Variants in HDAC9 observed in about 807,000 individuals in gnomAD.
HDAC9 encodes the protein MEF-2 interacting transcription repressor (MITR) protein.
HDAC9 carries 41 observed loss-of-function variants against 139.4 expected under a neutral mutation model. The ratio of observed to expected loss-of-function variants is 0.29; its 90% CI spans 0.23 to 0.38. The LOEUF is 0.38. Ranked by LOEUF, HDAC9 falls within the 10% of genes least tolerant of loss-of-function variation. HDAC9 has a pLI of 1.00. For synonymous variants in HDAC9, 517 were observed against 476.2 expected (o/e 1.09, Z -1.12); for missense variants, 1,147 against 1,297.0 (o/e 0.88, Z 1.78).
At chr7:18,320,767 C>T (rs1036702737) in intron 1 of HDAC9, among the ~76,000 whole-genome samples, 1 of 152,136 alleles carries the variant, frequency 6.6e-6, no homozygotes, top group Non-Finnish European at 1.5e-5. Flanking sequence ...ACACCCCCCA[C>T]CCCAGTTGTC....
intron 21 of HDAC9, among the ~76,000 whole-genome samples, chr7:18,872,747 T>C (rs931165138): frequency 3.3e-5 from 5 of 152,066 alleles, no homozygotes; most frequent in Non-Finnish European, 7.4e-5. Context: ...TTAATATCCA[T>C]GGGTAGAGAG....
chr7:18,685,714 G>A (rs1224137231), intron 12 of HDAC9, among the ~76,000 whole-genome samples: 2 of 151,874 alleles, frequency 1.3e-5, no homozygotes, highest in Non-Finnish European at 2.9e-5. Flanking sequence ...TTCCTCCTAA[G>A]GGGGGTGGGG....
At position 18,882,689 on chromosome 7, in the gene HDAC9, C is replaced by T. The variant is rs111679228; in HGVS notation, c.2803+8093C>T. Among the ~76,000 whole-genome samples, 1,127 of 150,876 alleles carry T rather than the reference C, an allele frequency of 7.5e-3. 18 individuals are homozygous for T. Among genetic ancestry groups the T allele is most frequent in the African/African-American group, 0.026 (1,054 of 41,214 alleles). Reference sequence around the variant, plus strand: ...TGGGGAAGGGAGATAATAATTTTACCTACAACCTATGTAATAAATGATTAG... The same window carrying T: ...TGGGGAAGGGAGATAATAATTTTACTTACAACCTATGTAATAAATGATTAG... On this transcript the variant is annotated intron_variant, in intron 22 of 25. Coordinates refer to ENST00000686413, the MANE Select transcript of HDAC9 (RefSeq NM_178425.4).
At chr7:18,183,119 C>T (rs994810699) in intron 2 of HDAC9, among the ~76,000 whole-genome samples, 1 of 151,954 alleles carries the variant, frequency 6.6e-6, no homozygotes, top group African/African-American at 2.4e-5. Context: ...ACGCCATTCT[C>T]CTGCCTCAGC....
chr7:18,453,330 G>A (rs1301650215), intron 1 of HDAC9, among the ~76,000 whole-genome samples: 1 of 152,018 alleles, frequency 6.6e-6, no homozygotes, highest in Non-Finnish European at 1.5e-5. Flanking sequence ...AAAAAGTGGG[G>A]GGAAGGAATT....
intron 12 of HDAC9, chr7:18,666,722 T>C: frequency 4.7e-6 from 6 of 1,288,192 alleles, no homozygotes; most frequent in Non-Finnish European, 5.9e-6. Flanking sequence ...AGGAAATACC[T>C]GTTATACTAA....
intron 12 of HDAC9, among the ~76,000 whole-genome samples, chr7:18,681,849 C>T (rs1781912974): frequency 6.6e-6 from 1 of 151,930 alleles, no homozygotes; most frequent in African/African-American, 2.4e-5. Context: ...TTTGGAGTAA[C>T]CCATAGGACC....
intron 25 of HDAC9, among the ~76,000 whole-genome samples, chr7:18,991,959 A>G (rs1273415698): frequency 6.6e-6 from 1 of 152,248 alleles, no homozygotes; most frequent in Non-Finnish European, 1.5e-5. Context: ...GGCACACAGT[A>G]CACAGTCAGC....
Position 18,829,470 on chromosome 7 carries a change from C to G in HDAC9, c.2388C>G (p.Cys796Trp). ...CTTCTCTATTCCGCAGGGGGTTCTG[C>G]TTTTTTAATTCAGTTGCAATTACCG... ...HAEESTAMGF[C>W]FFNSVAITAK... The change falls in exon 19 of 26, where the codon TGC becomes TGG. Residue 796 changes from cysteine (C) to tryptophan (W), a missense_variant. Cys to Trp is a radical substitution (Grantham distance 215). Coordinates refer to ENST00000686413, the MANE Select transcript of HDAC9 (RefSeq NM_178425.4). 1 of 1,609,516 alleles carries G rather than the reference C, an allele frequency of 6.2e-7. No individual in the cohort carries two copies. The highest frequency in any genetic ancestry group is 8.5e-7 in the Non-Finnish European group (1 of 1,176,200).
intron 16 of HDAC9, among the ~76,000 whole-genome samples, chr7:18,792,245 G>A (rs1585045291): frequency 7.1e-6 from 1 of 140,724 alleles, no homozygotes; most frequent in Middle Eastern, 4.1e-3. Flanking sequence ...TAGGCCCCTT[G>A]CATTTAATTC....
At chr7:18,976,812 C>A (rs974543223) in intron 25 of HDAC9, among the ~76,000 whole-genome samples, 2 of 152,170 alleles carry the variant, frequency 1.3e-5, no homozygotes, top group Non-Finnish European at 2.9e-5. Context: ...TCAGGTGAGG[C>A]TTTACTAAAG....
intron 2 of HDAC9, among the ~76,000 whole-genome samples, chr7:18,571,393 G>A (rs1024306583): frequency 3.9e-5 from 6 of 152,182 alleles, no homozygotes; most frequent in Admixed American, 3.9e-4. Flanking sequence ...TTCCCTGGGG[G>A]AAAGGAATAG....
intron 1 of HDAC9, among the ~76,000 whole-genome samples, chr7:18,454,965 G>T (rs143980346): frequency 6.6e-6 from 1 of 152,102 alleles, no homozygotes; most frequent in African/African-American, 2.4e-5. Flanking sequence ...AGAATTTACT[G>T]TCATCTTAAC....
intron 2 of HDAC9, among the ~76,000 whole-genome samples, chr7:18,163,042 C>G (rs774065718): frequency 6.6e-6 from 1 of 152,152 alleles, no homozygotes; most frequent in Non-Finnish European, 1.5e-5. Flanking sequence ...TGCTTGGATA[C>G]TTACAGAAGC....
chr7:18,139,797 A>G (rs1256432835), intron 1 of HDAC9, among the ~76,000 whole-genome samples: 1 of 152,188 alleles, frequency 6.6e-6, no homozygotes, highest in Non-Finnish European at 1.5e-5. Context: ...GGTATTTAAT[A>G]CGTACAGAAG....
intron 1 of HDAC9, among the ~76,000 whole-genome samples, chr7:18,432,921 A>T (rs566158883): frequency 1.6e-4 from 24 of 151,546 alleles, no homozygotes; most frequent in African/African-American, 5.8e-4. Context: ...ACTGCATTCC[A>T]GCCTGGGCAA....
intron 13 of HDAC9, among the ~76,000 whole-genome samples, chr7:18,732,491 G>A (rs148252795): frequency 6.7e-6 from 1 of 149,962 alleles, no homozygotes; most frequent in Admixed American, 6.6e-5. Flanking sequence ...GTATATATGT[G>A]TATATATGTG....
At chr7:18,104,603 C>T (rs1465747004) in intron 1 of HDAC9, among the ~76,000 whole-genome samples, 1 of 152,150 alleles carries the variant, frequency 6.6e-6, no homozygotes, top group Non-Finnish European at 1.5e-5. Context: ...ACTCCCTATA[C>T]CATTTCACAC....
intron 1 of HDAC9, among the ~76,000 whole-genome samples, chr7:18,485,280 T>C (rs536563583): frequency 2.6e-4 from 40 of 152,244 alleles, no homozygotes; most frequent in African/African-American, 9.1e-4. Context: ...AAAAAGAATA[T>C]AGCAAATAGC....
Sources: allele counts gnomAD v4.1 joint callset (sites outside exome capture counted in the v4.1 genomes callset), GRCh38; gene constraint gnomAD v4.1.1; transcripts MANE v1.5; gene names NCBI Gene and HGNC (gene_info 2026-07-23, HGNC 2026-07-21).